Variants in XIRP2 observed in about 807,000 individuals in gnomAD.
XIRP2 encodes xin actin binding repeat containing 2, also known as xin actin-binding repeat-containing protein 2.
Under a neutral mutation model 277.0 loss-of-function variants are expected in XIRP2, and 236 were observed. That is an observed-to-expected ratio of 0.85 (90% CI 0.77 to 0.95). XIRP2 has a LOEUF of 0.95. Ranked by LOEUF, XIRP2 falls within the 40% of genes least tolerant of loss-of-function variation. XIRP2 has a pLI of 0.00. For missense variants in XIRP2, 4,640 were observed against 4,157.5 expected, an observed-to-expected ratio of 1.12 and a Z score of -3.19; for synonymous variants, 1,490 against 1,416.5, an observed-to-expected ratio of 1.05 and a Z score of -1.17.
chr2:166,923,259 A>G (rs1382649912), intron 2 of XIRP2, among the ~76,000 whole-genome samples: 2 of 152,130 alleles, frequency 1.3e-5, no homozygotes, highest in African/African-American at 4.8e-5. Context: ...ACATTGCCAT[A>G]GCAATGTGTT....
chr2:166,983,965 A>T (rs1057457237), intron 2 of XIRP2, among the ~76,000 whole-genome samples: 3 of 152,088 alleles, frequency 2.0e-5, no homozygotes, highest in Admixed American at 6.6e-5. Flanking sequence ...CCAGTATTTA[A>T]ATATTGTCAT....
intron 2 of XIRP2, among the ~76,000 whole-genome samples, chr2:166,907,681 G>A (rs1230602236): frequency 1.3e-5 from 2 of 149,622 alleles, no homozygotes; most frequent in African/African-American, 2.5e-5. Context: ...TGTTACATAT[G>A]TATACATGTG....
At chr2:167,233,518 G>C (rs1379369561) in intron 5 of XIRP2, among the ~76,000 whole-genome samples, 1 of 151,706 alleles carries the variant, frequency 6.6e-6, no homozygotes, top group East Asian at 1.9e-4. Flanking sequence ...TGAAGTTCTA[G>C]GGTAAAGAGG....
intron 2 of XIRP2, among the ~76,000 whole-genome samples, chr2:166,936,567 T>A (rs1301094290): frequency 1.3e-5 from 2 of 152,228 alleles, no homozygotes; most frequent in African/African-American, 4.8e-5. Flanking sequence ...AAGTCTATAA[T>A]CCATCTTGAA....
At chr2:166,961,898 G>A (rs2105408358) in intron 2 of XIRP2, among the ~76,000 whole-genome samples, 1 of 151,668 alleles carries the variant, frequency 6.6e-6, no homozygotes, top group East Asian at 2.0e-4. Flanking sequence ...TGAAAATATT[G>A]AATATTTGTC....
intron 5 of XIRP2, among the ~76,000 whole-genome samples, chr2:167,232,235 AACTG>A (rs1322248308): frequency 2.0e-5 from 3 of 152,004 alleles, no homozygotes; most frequent in East Asian, 3.9e-4. Context: ...AATCATTATA[AACTG>A]ACTGTTCACT....
intron 2 of XIRP2, among the ~76,000 whole-genome samples, chr2:166,951,345 G>A (rs966196280): frequency 6.6e-6 from 1 of 151,910 alleles, no homozygotes. Context: ...TTCCAGTCAT[G>A]GTGGAAGGCA....
intron 5 of XIRP2, among the ~76,000 whole-genome samples, chr2:167,227,381 A>G (rs977244693): frequency 3.9e-5 from 6 of 152,144 alleles, no homozygotes; most frequent in African/African-American, 1.4e-4. Flanking sequence ...TTGAAATAGT[A>G]GTTTCTGCAT....
intron 2 of XIRP2, among the ~76,000 whole-genome samples, chr2:166,961,082 G>C (rs1247265927): frequency 6.6e-6 from 1 of 151,728 alleles, no homozygotes; most frequent in African/African-American, 2.4e-5. Flanking sequence ...GCTCTGGGCT[G>C]TATACCACAG....
At chr2:166,895,970 G>A (rs1380450267) in intron 1 of XIRP2, among the ~76,000 whole-genome samples, 1 of 152,094 alleles carries the variant, frequency 6.6e-6, no homozygotes, top group African/African-American at 2.4e-5. Flanking sequence ...AGTGGATTTT[G>A]CTTTATTTCT....
At chr2:167,161,179 T>A (rs1014897780) in intron 3 of XIRP2, among the ~76,000 whole-genome samples, 2 of 152,224 alleles carry the variant, frequency 1.3e-5, no homozygotes, top group African/African-American at 4.8e-5. Context: ...CAAGCTGCTT[T>A]CACAGGCTGG....
At chr2:167,240,055 C>T (rs1246964784) in intron 6 of XIRP2, 90 bp downstream of exon 6, 2 of 1,098,430 alleles carry the variant, frequency 1.8e-6, no homozygotes, top group African/African-American at 1.7e-5. Flanking sequence ...TTTATTGTCA[C>T]TCATGTATCT....
chr2:167,189,197 C>T lies in XIRP2; in HGVS notation c.563-21538C>T, dbSNP rs951178695. ...TGATTAGGCAATGTGGAGTTGGGCA[C>T]TCCTGGTAACTTCAATACTGGGAAC... is the stretch of plus-strand genomic sequence containing the variant. On this transcript the variant is annotated intron_variant, in intron 3 of 10. Transcript: ENST00000409195. Among the ~76,000 whole-genome samples the T allele has an allele frequency of 2.0e-5, 3 of 152,126 alleles. No individual in the cohort carries two copies. The South Asian group carries it at 6.2e-4, about 31-fold the overall frequency.
intron 3 of XIRP2, among the ~76,000 whole-genome samples, chr2:167,181,740 T>C (rs984175672): frequency 6.6e-6 from 1 of 152,166 alleles, no homozygotes; most frequent in Non-Finnish European, 1.5e-5. Flanking sequence ...ACAGAGATGA[T>C]CCTTTAAACA....
intron 2 of XIRP2, among the ~76,000 whole-genome samples, chr2:167,068,369 C>G (rs1001346128): frequency 6.6e-6 from 1 of 152,178 alleles, no homozygotes; most frequent in African/African-American, 2.4e-5. Flanking sequence ...ACACCAATAT[C>G]TGAATCACCT....
intron 1 of XIRP2, among the ~76,000 whole-genome samples, chr2:166,895,916 CATAG>C (rs1270623992): frequency 6.6e-6 from 1 of 152,126 alleles, no homozygotes; most frequent in Non-Finnish European, 1.5e-5. Context: ...ATGACTACTA[CATAG>C]ATATACTAAG....
At chr2:167,187,564 G>A (rs1693194520) in intron 3 of XIRP2, 2 of 983,856 alleles carry the variant, frequency 2.0e-6, no homozygotes, top group South Asian at 4.7e-5. Flanking sequence ...CTATATGTCT[G>A]CTTCCTGGAT....
chr2:167,153,523 G>T (rs776120770), intron 3 of XIRP2, among the ~76,000 whole-genome samples: 8 of 151,810 alleles, frequency 5.3e-5, no homozygotes, highest in Non-Finnish European at 1.2e-4. Flanking sequence ...TCGTCATTTA[G>T]CATTAGGTAT....
Position 167,076,734 on chromosome 2 carries a change from T to C in XIRP2, c.409-59175T>C, listed in dbSNP as rs78057165. ...GAAGATCCCCTGTGTTCATAAGCATTGATTATCTACTTTTGCAGGGAAAAG... is the reference window on the plus strand; with the variant it reads ...GAAGATCCCCTGTGTTCATAAGCATCGATTATCTACTTTTGCAGGGAAAAG... On this transcript the variant is annotated intron_variant, in intron 2 of 10. Transcript: ENST00000409195. Among the ~76,000 whole-genome samples the C allele has an allele frequency of 8.3e-4, 127 of 152,342 alleles. 3 individuals carry two copies. In the East Asian group the frequency reaches 0.021, roughly 26 times the overall value.
Sources: gnomAD v4.1 joint callset for allele counts (sites outside exome capture counted in the v4.1 genomes callset) on GRCh38, gnomAD v4.1.1 for gene constraint, MANE v1.5 for transcripts, NCBI Gene and HGNC (gene_info 2026-07-23, HGNC 2026-07-21) for gene names.